The following GSTA2 variants were observed in gnomAD, a reference collection of about 807,000 sequenced individuals.
The protein encoded by GSTA2 is glutathione S-transferase A2.
GSTA2 carries 27 observed loss-of-function variants against 22.4 expected under a neutral mutation model. That is an observed-to-expected ratio of 1.21 (90% CI 0.89 to 1.67). GSTA2 has a LOEUF of 1.67. GSTA2 is among the 40% of genes most tolerant of loss of function. The pLI, the probability that GSTA2 is intolerant of heterozygous loss-of-function variation, is 0.00. For missense variants in GSTA2, 302 were observed against 260.2 expected, an observed-to-expected ratio of 1.16 and a Z score of -1.11; for synonymous variants, 121 against 86.8, an observed-to-expected ratio of 1.39 and a Z score of -2.19.
chr6:52,754,290 G>T (rs1762799909), intron 4 of GSTA2, among the ~76,000 whole-genome samples: 1 of 152,140 alleles, frequency 6.6e-6, no homozygotes, highest in South Asian at 2.1e-4. Context: ...AGTTTTTGAG[G>T]AGCTGCCAGC....
chr6:52,754,221 G>A (rs1020317118), intron 4 of GSTA2, among the ~76,000 whole-genome samples: 3 of 152,062 alleles, frequency 2.0e-5, no homozygotes, highest in Admixed American at 6.6e-5. Flanking sequence ...ATGTATTTTC[G>A]ATTGTTTGGG....
rs1561895655 is a variant in GSTA2 at position 52,756,299 on chromosome 6, T to A, written c.98A>T (p.Lys33Ile). The change falls in exon 3 of 7, where the codon AAA becomes ATA. Residue 33 changes from lysine to isoleucine, a missense_variant. Transcript: ENST00000493422. The part of the protein sequence containing the change: ...LAAAGVEFEE[K>I]FIKSAEDLDK... Reference sequence around the variant, plus strand: ...CAAATCTTCTGCAGATTTTATAAATTTCTCTTCAAACTGGAAGCAGAAACA... The same window carrying A: ...CAAATCTTCTGCAGATTTTATAAATATCTCTTCAAACTGGAAGCAGAAACA... 3 of 1,602,828 alleles carry A rather than the reference T, an allele frequency of 1.9e-6. No individual in the cohort carries two copies. The highest frequency in any genetic ancestry group is 1.1e-5 in the South Asian group (1 of 90,874).
At chr6:52,762,709 A>G (rs560436728) in intron 1 of GSTA2, among the ~76,000 whole-genome samples, 1 of 152,198 alleles carries the variant, frequency 6.6e-6, no homozygotes, top group East Asian at 1.9e-4. Context: ...CTTTCTCTAT[A>G]CTTTGTCTCT....
chr6:52,762,841 G>A (rs548284665), intron 1 of GSTA2, among the ~76,000 whole-genome samples: 7 of 152,260 alleles, frequency 4.6e-5, no homozygotes, highest in African/African-American at 7.2e-5. Flanking sequence ...ACAGATCTCC[G>A]TTCAAAGAAT....
At chr6:52,762,592 T>C (rs1466081060) in intron 1 of GSTA2, among the ~76,000 whole-genome samples, 3 of 152,116 alleles carry the variant, frequency 2.0e-5, no homozygotes, top group African/African-American at 7.2e-5. Context: ...CACATCCCCC[T>C]CTCTGAGATG....
At chr6:52,756,115 T>A (rs1472588833) in intron 3 of GSTA2, 143 bp downstream of exon 3, 1 of 575,576 alleles carries the variant, frequency 1.7e-6, no homozygotes, top group Non-Finnish European at 3.2e-6. Flanking sequence ...AGGAGCCACA[T>A]CCCTTCCATT....
Position 52,755,140 on chromosome 6 carries a change from A to AAAATGGT in GSTA2, c.140-72_140-66dup, listed in dbSNP as rs1222439575. On this transcript the variant is annotated intron_variant, in intron 3 of 6. Transcript: ENST00000493422. ...GAAACCCACCATTTCAGGATGAAAA[A>AAAATGGT]AAATGGTTGTTGAAATGACTAAATT... The AAAATGGT allele has an allele frequency of 3.2e-6, 5 of 1,587,294 alleles. No homozygotes were observed. The East Asian group carries it at 9.0e-5, about 29-fold the overall frequency.
chr6:52,752,260 G>A (rs747958181), intron 5 of GSTA2, among the ~76,000 whole-genome samples: 14 of 152,062 alleles, frequency 9.2e-5, no homozygotes, highest in East Asian at 5.8e-4. Context: ...TTACAGCATC[G>A]ACTCTGGTTC....
intron 3 of GSTA2, among the ~76,000 whole-genome samples, chr6:52,755,727 A>T (rs1385108492): frequency 6.6e-6 from 1 of 151,676 alleles, no homozygotes; most frequent in Admixed American, 6.6e-5. Context: ...TTAAAACAGG[A>T]TGTTCCCAGA....
chr6:52,752,836 C>T lies in GSTA2; in HGVS notation c.414+18G>A, dbSNP rs761363561. On this transcript the variant is annotated intron_variant, in intron 5 of 6. Coordinates refer to ENST00000493422, the MANE Select transcript of GSTA2 (RefSeq NM_000846.5). The stretch of plus-strand genomic sequence containing the variant: ...CTTCTAAACTCAGTTCCCCAAAACA[C>T]TGAACAGCTTCACTTACTTTTTCAA... The T allele has an allele frequency of 6.2e-7, 1 of 1,613,268 alleles. No homozygotes were observed. Among genetic ancestry groups the T allele is most frequent in the Non-Finnish European group, 8.5e-7 (1 of 1,179,416 alleles).
chr6:52,752,194 C>T (rs559116260), intron 5 of GSTA2, among the ~76,000 whole-genome samples: 1 of 152,186 alleles, frequency 6.6e-6, no homozygotes, highest in Non-Finnish European at 1.5e-5. Flanking sequence ...TCATTCCCTG[C>T]TCTATCTCCC....
Position 52,755,713 on chromosome 6 carries a change from T to C in GSTA2, c.139+545A>G, listed in dbSNP as rs192330777. Reference sequence around the variant, plus strand: ...TTACAATAGTACTGGCAACAAGATGTCATTTAAAACAGGATGTTCCCAGAG... The same window carrying C: ...TTACAATAGTACTGGCAACAAGATGCCATTTAAAACAGGATGTTCCCAGAG... On this transcript the variant is annotated intron_variant, in intron 3 of 6. Transcript: ENST00000493422. Among the ~76,000 whole-genome samples, 1,142 of 149,698 alleles carry C rather than the reference T, an allele frequency of 7.6e-3. 17 individuals carry two copies. The highest frequency in any genetic ancestry group is 0.027 in the African/African-American group (1,055 of 39,108).
chr6:52,761,479 C>G (rs1762949181), intron 1 of GSTA2, among the ~76,000 whole-genome samples: 1 of 145,566 alleles, frequency 6.9e-6, no homozygotes, highest in Non-Finnish European at 1.5e-5. Context: ...CCGTAGAACT[C>G]TAGTAGGAAT....
intron 6 of GSTA2, among the ~76,000 whole-genome samples, chr6:52,751,001 G>T (rs1762725744): frequency 6.6e-6 from 1 of 152,220 alleles, no homozygotes; most frequent in African/African-American, 2.4e-5. Context: ...TAATGTGCTT[G>T]TTTGATATCA....
intron 3 of GSTA2, among the ~76,000 whole-genome samples, chr6:52,755,531 C>A (rs2069740042): frequency 6.6e-6 from 1 of 152,134 alleles, no homozygotes; most frequent in Non-Finnish European, 1.5e-5. Flanking sequence ...GTTTATAAAG[C>A]TTCCTGTAGT....
intron 1 of GSTA2, among the ~76,000 whole-genome samples, chr6:52,762,367 A>G (rs2749013): frequency 0.75 from 113,427 of 152,174 alleles, 43,576 homozygotes; most frequent in African/African-American, 0.93. Flanking sequence ...TGTAAAACCC[A>G]ATTGTATGTT....
At chr6:52,759,562 TG>T (rs1333511277) in intron 1 of GSTA2, among the ~76,000 whole-genome samples, 9 of 101,274 alleles carry the variant, frequency 8.9e-5, no homozygotes, top group Non-Finnish European at 1.3e-4. Flanking sequence ...TGTATTTATT[TG>T]TTTTTTTTTT....
chr6:52,752,817 A>G lies in GSTA2; in HGVS notation c.414+37T>C, dbSNP rs749696024. 6.2e-6 allele frequency: 10 copies of G among 1,612,488 alleles called. No homozygotes were observed. The East Asian group carries it at 2.2e-4, about 36-fold the overall frequency. ...GCCACTATTTTTCTACTGGCTTCTA[A>G]ACTCAGTTCCCCAAAACACTGAACA... On this transcript the variant is annotated intron_variant, in intron 5 of 6. Coordinates refer to ENST00000493422, the MANE Select transcript of GSTA2 (RefSeq NM_000846.5).
intron 4 of GSTA2, among the ~76,000 whole-genome samples, chr6:52,753,355 T>C (rs965735340): frequency 3.3e-5 from 5 of 152,178 alleles, no homozygotes; most frequent in South Asian, 2.1e-4. Context: ...ATCATCTCCA[T>C]TGTGGTTTGT....
Sources: gnomAD v4.1 joint callset for allele counts (sites outside exome capture counted in the v4.1 genomes callset) on GRCh38, gnomAD v4.1.1 for gene constraint, MANE v1.5 for transcripts, NCBI Gene and HGNC (gene_info 2026-07-23, HGNC 2026-07-21) for gene names.